Variants in C2orf15 observed in about 807,000 individuals in gnomAD.
C2orf15 encodes the protein uncharacterized protein C2orf15.
C2orf15 carries 3 observed loss-of-function variants against 4.4 expected under a neutral mutation model. The observed-to-expected ratio is 0.67, with a 90% CI of 0.31 to 1.74. The LOEUF (loss-of-function observed/expected upper bound fraction) is 1.74, where lower values mean the gene tolerates loss of function less well. Ranked by LOEUF, C2orf15 falls within the 40% of genes most tolerant of loss-of-function variation. C2orf15 has a pLI of 0.09. For synonymous variants in C2orf15, 37 were observed against 36.8 expected (o/e 1.00, Z -0.02); for missense variants, 90 against 103.3 (o/e 0.87, Z 0.56).
Position 99,141,926 on chromosome 2 carries a change from C to G in C2orf15, c.-297C>G, listed in dbSNP as rs1273600719. 1 of 152,398 alleles carries G rather than the reference C, an allele frequency of 6.6e-6. No individual in the cohort carries two copies. Among genetic ancestry groups the G allele is most frequent in the Non-Finnish European group, 1.5e-5 (1 of 68,198 alleles). 9.4% of individuals were successfully genotyped at this position (152,398 alleles called of 1,614,324 possible). ...CCGCTGCAGCCTGCAGGGAGCGAGC[C>G]GGCCTGTCCCGGTGAGCGTGGGCAG... is the stretch of plus-strand genomic sequence containing the variant. On this transcript the variant is annotated 5_prime_UTR_variant, in exon 1 of 4. Transcript: ENST00000650052.
intron 3 of C2orf15, among the ~76,000 whole-genome samples, chr2:99,148,619 A>C (rs1175164320): frequency 6.6e-6 from 1 of 152,192 alleles, no homozygotes; most frequent in Non-Finnish European, 1.5e-5. Flanking sequence ...GATGAGTATG[A>C]AATTGTAAAC....
intron 2 of C2orf15, among the ~76,000 whole-genome samples, chr2:99,146,632 CT>C (rs1229631785): frequency 6.6e-6 from 1 of 151,922 alleles, no homozygotes; most frequent in Admixed American, 6.6e-5. Flanking sequence ...TTGCACTCCA[CT>C]TTTTTTTCTT....
chr2:99,146,953 T>C (rs2093638068), intron 2 of C2orf15: 1 of 152,402 alleles, frequency 6.6e-6, no homozygotes. Context: ...ATCCTGCTTA[T>C]GTCCACATAG....
At chr2:99,143,011 A>G (rs1291730474) in intron 2 of C2orf15, among the ~76,000 whole-genome samples, 1 of 151,398 alleles carries the variant, frequency 6.6e-6, no homozygotes, top group Non-Finnish European at 1.5e-5. Context: ...GGGTGAAAAG[A>G]TTTTCCTTTT....
At chr2:99,148,559 C>T (rs890046532) in intron 3 of C2orf15, among the ~76,000 whole-genome samples, 3 of 152,180 alleles carry the variant, frequency 2.0e-5, no homozygotes, top group Non-Finnish European at 2.9e-5. Context: ...TATGGATAAA[C>T]AGGGTTTCAA....
intron 2 of C2orf15, chr2:99,146,904 G>A (rs985927327): frequency 6.6e-6 from 1 of 152,408 alleles, no homozygotes; most frequent in Non-Finnish European, 1.5e-5. Context: ...TAGGATTACA[G>A]GCGTGAGCCA....
At chr2:99,143,438 T>G (rs2105121792) in intron 2 of C2orf15, among the ~76,000 whole-genome samples, 1 of 150,570 alleles carries the variant, frequency 6.6e-6, no homozygotes, top group South Asian at 2.1e-4. Context: ...GGATTACAGG[T>G]GTGAGCCACT....
intron 2 of C2orf15, among the ~76,000 whole-genome samples, chr2:99,143,604 G>A (rs1316867175): frequency 1.3e-5 from 2 of 151,910 alleles, no homozygotes; most frequent in Non-Finnish European, 2.9e-5. Context: ...TTGAGTAGCT[G>A]GGACCACAGG....
rs546253587 is a variant in C2orf15, at chr2:99,145,832, T to C, written c.-168-1570T>C. On this transcript the variant is annotated intron_variant, in intron 2 of 3. Coordinates refer to ENST00000650052, the MANE Select transcript of C2orf15 (RefSeq NM_144706.4). The stretch of plus-strand genomic sequence containing the variant: ...GAGCAGAGGACTGCTGTGATCTGGG[T>C]TTTGTTATAAAAGGTTCAAACCAGT... 3.3e-5 allele frequency among the ~76,000 whole-genome samples: 5 copies of C among 152,214 alleles called. No homozygotes were observed. In the East Asian group the frequency reaches 9.7e-4, roughly 29 times the overall value.
intron 2 of C2orf15, among the ~76,000 whole-genome samples, chr2:99,142,766 T>G (rs2093583594): frequency 6.6e-6 from 1 of 152,200 alleles, no homozygotes. Flanking sequence ...CTAAGATTAT[T>G]TTGAATACAT....
At chr2:99,148,992 T>TAAATAA (rs1041351438) in intron 3 of C2orf15, among the ~76,000 whole-genome samples, 40 of 151,428 alleles carry the variant, frequency 2.6e-4, no homozygotes, top group Non-Finnish European at 4.9e-4. Flanking sequence ...GGAAAAAAAA[T>TAAATAA]AAATAAAAAT....
At position 99,148,622 on chromosome 2, in the gene C2orf15, T is replaced by G. The variant is rs146469007; in HGVS notation, c.-77+1129T>G. ...TAATTACAGCTTGATGAGTATGAAATTGTAAACTATCAAAGATACCACAGT... is the reference window on the plus strand; with the variant it reads ...TAATTACAGCTTGATGAGTATGAAAGTGTAAACTATCAAAGATACCACAGT... On this transcript the variant is annotated intron_variant, in intron 3 of 3. Transcript: ENST00000650052. 2.2e-3 allele frequency among the ~76,000 whole-genome samples: 339 copies of G among 152,286 alleles called. 1 individual carries two copies. Among genetic ancestry groups the G allele is most frequent in the African/African-American group, 7.2e-3 (300 of 41,566 alleles).
In C2orf15 at chr2:99,146,715, AC is replaced by A. The variant is rs2093635827; in HGVS notation, c.-168-682del. Reference sequence around the variant, plus strand: ...ATGATCTCAGCTCACTGCAACCTCCACCCCCTGGGTTCAAGCGATTCTCCTG... The same window carrying A: ...ATGATCTCAGCTCACTGCAACCTCCACCCCTGGGTTCAAGCGATTCTCCTG... On this transcript the variant is annotated intron_variant, in intron 2 of 3. Coordinates refer to ENST00000650052, the MANE Select transcript of C2orf15 (RefSeq NM_144706.4). 4.6e-5 allele frequency among the ~76,000 whole-genome samples: 7 copies of A among 151,278 alleles called. No individual in the cohort carries two copies. The South Asian group carries it at 1.5e-3, about 32-fold the overall frequency.
At chr2:99,144,927 GGA>G (rs1417980191) in intron 2 of C2orf15, among the ~76,000 whole-genome samples, 7 of 152,216 alleles carry the variant, frequency 4.6e-5, no homozygotes, top group Non-Finnish European at 1.0e-4. Context: ...CAAAGAGACA[GGA>G]GAGAGTGCTT....
chr2:99,147,202 T>G, intron 2 of C2orf15, 200 bp from the exon 3 acceptor site: 1 of 411,336 alleles, frequency 2.4e-6, no homozygotes, highest in Non-Finnish European at 4.3e-6. Context: ...GGTCTCCCTA[T>G]GTTGCCCAGG....
Position 99,147,492 on chromosome 2 carries a change from A to T in C2orf15, c.-78A>T. The T allele has an allele frequency of 3.1e-6, 5 of 1,613,946 alleles. No individual in the cohort carries two copies. Among genetic ancestry groups the T allele is most frequent in the Non-Finnish European group, 4.2e-6 (5 of 1,179,876 alleles). The stretch of plus-strand genomic sequence containing the variant: ...CATGTCCTCAACTCTGGGGAAGTTA[A>T]GGTAAGACTCACAGGGCCAAGTCTA... On this transcript the variant is annotated splice_region_variant and 5_prime_UTR_variant, in exon 3 of 4. It adds an upstream start codon to the 5' untranslated region. Coordinates refer to ENST00000650052, the MANE Select transcript of C2orf15 (RefSeq NM_144706.4).
intron 2 of C2orf15, among the ~76,000 whole-genome samples, chr2:99,145,350 G>T (rs1019375272): frequency 2.6e-5 from 4 of 152,092 alleles, no homozygotes; most frequent in African/African-American, 9.7e-5. Context: ...TTGAGGTCAG[G>T]AGTTCAAGAC....
chr2:99,150,143 C>G (rs763805363), intron 3 of C2orf15, among the ~76,000 whole-genome samples: 1 of 152,152 alleles, frequency 6.6e-6, no homozygotes, highest in Non-Finnish European at 1.5e-5. Context: ...AAATAAAGTA[C>G]TAGCAGAGTA....
intron 2 of C2orf15, among the ~76,000 whole-genome samples, chr2:99,144,649 C>CAAAAAAAAAAAAAAAAA (rs70940140): frequency 3.8e-5 from 2 of 52,270 alleles, no homozygotes; most frequent in African/African-American, 7.1e-5. Flanking sequence ...AACTCTGTCT[C>CAAAAAAAAAAAAAAAAA]AAAAAAAAAA....
Sources: gnomAD v4.1 joint callset for allele counts (sites outside exome capture counted in the v4.1 genomes callset) on GRCh38, gnomAD v4.1.1 for gene constraint, MANE v1.5 for transcripts, NCBI Gene and HGNC (gene_info 2026-07-23, HGNC 2026-07-21) for gene names.